CCDC171: variants seen among roughly 807,000 people sequenced by gnomAD.
CCDC171 encodes the protein coiled-coil domain-containing protein 171.
Under a neutral mutation model 168.2 loss-of-function variants are expected in CCDC171, and 177 were observed. The observed-to-expected ratio is 1.05, with a 90% confidence interval of 0.93 to 1.19. The LOEUF is 1.19. CCDC171 is among the 50% of genes most tolerant of loss of function. The pLI, the probability that CCDC171 is intolerant of heterozygous loss-of-function variation, is 0.00. For missense variants in CCDC171, 1,991 were observed against 1,539.0 expected (o/e 1.29, Z -4.91); for synonymous variants, 687 against 540.8 (o/e 1.27, Z -3.75).
At chr9:15,718,866 C>T (rs1564278184) in intron 11 of CCDC171, among the ~76,000 whole-genome samples, 2 of 152,276 alleles carry the variant, frequency 1.3e-5, no homozygotes, top group East Asian at 3.9e-4. Flanking sequence ...AGGACAGGTA[C>T]TAATAAGTCC....
intron 25 of CCDC171, among the ~76,000 whole-genome samples, chr9:15,926,931 A>G (rs554363962): frequency 2.0e-5 from 3 of 151,776 alleles, no homozygotes; most frequent in South Asian, 2.1e-4. Context: ...TAAGTACTGT[A>G]TTACCATTAC....
chr9:15,706,191 CTTT>C (rs1388358586), intron 11 of CCDC171, among the ~76,000 whole-genome samples: 2 of 152,104 alleles, frequency 1.3e-5, no homozygotes, highest in Non-Finnish European at 2.9e-5. Context: ...GTGGGGAAAT[CTTT>C]TTCTGCTTTG....
intron 18 of CCDC171, among the ~76,000 whole-genome samples, chr9:15,746,775 G>A (rs1235407832): frequency 2.0e-5 from 3 of 152,160 alleles, no homozygotes; most frequent in Non-Finnish European, 4.4e-5. Context: ...CCCACGGAGG[G>A]TGAGCTGAAG....
intron 24 of CCDC171, among the ~76,000 whole-genome samples, chr9:15,906,055 C>T (rs893865161): frequency 1.1e-4 from 16 of 152,128 alleles, no homozygotes; most frequent in African/African-American, 3.9e-4. Context: ...AAAAAAAATC[C>T]AGGACCAGAT....
intron 25 of CCDC171, among the ~76,000 whole-genome samples, chr9:15,965,805 G>A (rs1373425978): frequency 6.6e-6 from 1 of 152,176 alleles, no homozygotes. Flanking sequence ...CACAGGTTAA[G>A]TAACTTGTCA....
At chr9:15,559,117 T>A (rs2039057516) in intron 1 of CCDC171, among the ~76,000 whole-genome samples, 1 of 152,166 alleles carries the variant, frequency 6.6e-6, no homozygotes, top group Non-Finnish European at 1.5e-5. Context: ...ATAATTTCTG[T>A]TCTTTTACAT....
intron 2 of CCDC171, among the ~76,000 whole-genome samples, chr9:15,568,209 T>G (rs1587010066): frequency 6.6e-6 from 1 of 152,186 alleles, no homozygotes; most frequent in East Asian, 1.9e-4. Context: ...TTTTCCAGTA[T>G]GCATGCCTTT....
intron 23 of CCDC171, among the ~76,000 whole-genome samples, chr9:15,849,378 G>A (rs1041166783): frequency 6.6e-6 from 1 of 151,066 alleles, no homozygotes; most frequent in Admixed American, 6.6e-5. Flanking sequence ...AAACTAGGTA[G>A]TAATGTTATT....
At chr9:15,904,284 G>C (rs1026582011) in intron 24 of CCDC171, among the ~76,000 whole-genome samples, 3 of 152,242 alleles carry the variant, frequency 2.0e-5, no homozygotes, top group African/African-American at 7.2e-5. Flanking sequence ...GAGAAAGGTC[G>C]GGTTGCCCAC....
rs564107008 is a variant in CCDC171 at position 15,958,116 on chromosome 9, A to G, written c.3754-13493A>G. The stretch of plus-strand genomic sequence containing the variant: ...AATAAGTCCATTAACTCACTCATCC[A>G]TTCATTCATTCATTCATTCATTCAT... On this transcript the variant is annotated intron_variant, in intron 25 of 25. Coordinates refer to ENST00000380701, the MANE Select transcript of CCDC171 (RefSeq NM_173550.4). 7.4e-4 allele frequency among the ~76,000 whole-genome samples: 103 copies of G among 139,334 alleles called. 1 individual carries two copies. The highest frequency in any genetic ancestry group is 3.3e-3 in the African/African-American group (103 of 30,938). The allele number at this position is 139,334 out of a possible 152,430, so 91.4% of individuals were successfully genotyped here. A position where few individuals can be genotyped will look rare whatever the true frequency, so the allele number is the denominator to read the frequency against.
intron 18 of CCDC171, among the ~76,000 whole-genome samples, chr9:15,758,633 T>TA (rs1408159944): frequency 6.6e-6 from 1 of 152,178 alleles, no homozygotes; most frequent in Non-Finnish European, 1.5e-5. Flanking sequence ...GGTGGAATGA[T>TA]ATGGATTGGC....
At chr9:15,792,291 C>T (rs1016154253) in intron 21 of CCDC171, among the ~76,000 whole-genome samples, 37 of 152,196 alleles carry the variant, frequency 2.4e-4, no homozygotes, top group Admixed American at 1.2e-3. Context: ...GAAAAAGAAA[C>T]GAACAAAGCT....
chr9:15,588,700 CTTT>C (rs71323963), intron 4 of CCDC171: 27 of 124,144 alleles, frequency 2.2e-4, no homozygotes, highest in Middle Eastern at 4.3e-3. Context: ...AAGATGCAGA[CTTT>C]TTTTTTTTTT....
intron 11 of CCDC171, among the ~76,000 whole-genome samples, chr9:15,713,459 G>A (rs1448184299): frequency 2.6e-5 from 4 of 152,062 alleles, no homozygotes; most frequent in Non-Finnish European, 4.4e-5. Context: ...TTGTGCCTTC[G>A]GGACTTTTAT....
chr9:16,014,062 G>C (rs1433802900), intron 3 of CCDC171, among the ~76,000 whole-genome samples: 1 of 151,632 alleles, frequency 6.6e-6, no homozygotes, highest in Non-Finnish European at 1.5e-5. Flanking sequence ...TGCAGCATGT[G>C]ATTCTGTGTG....
At chr9:15,837,705 T>C (rs2060509926) in intron 21 of CCDC171, among the ~76,000 whole-genome samples, 1 of 152,224 alleles carries the variant, frequency 6.6e-6, no homozygotes, top group Non-Finnish European at 1.5e-5. Flanking sequence ...TTTTAACAAC[T>C]CTGTATTACT....
At chr9:15,988,128 G>T (rs933314571) in intron 3 of CCDC171, among the ~76,000 whole-genome samples, 1 of 152,102 alleles carries the variant, frequency 6.6e-6, no homozygotes, top group African/African-American at 2.4e-5. Flanking sequence ...TTGTGTTCAG[G>T]GTAACTAAGC....
intron 18 of CCDC171, among the ~76,000 whole-genome samples, 192 bp from the exon 19 acceptor site, chr9:15,777,408 A>G (rs2057384336): frequency 6.6e-6 from 1 of 152,162 alleles, no homozygotes; most frequent in Non-Finnish European, 1.5e-5. Flanking sequence ...TGTATTCTTT[A>G]GTAGGTGAGC....
chr9:15,601,230 G>T (rs2042828266), intron 6 of CCDC171, among the ~76,000 whole-genome samples: 1 of 152,204 alleles, frequency 6.6e-6, no homozygotes, highest in African/African-American at 2.4e-5. Context: ...CATCGCTCTT[G>T]CTGGGAGCTG....
Sources: gnomAD v4.1 joint callset for allele counts (sites outside exome capture counted in the v4.1 genomes callset) on GRCh38, gnomAD v4.1.1 for gene constraint, MANE v1.5 for transcripts, NCBI Gene and HGNC (gene_info 2026-07-23, HGNC 2026-07-21) for gene names.